TOPBP1: variants seen among roughly 807,000 people sequenced by gnomAD.
TOPBP1 encodes DNA topoisomerase 2-binding protein 1.
TOPBP1 carries 28 observed loss-of-function variants against 167.7 expected under a neutral mutation model. That is an observed-to-expected ratio of 0.17 (90% CI 0.12 to 0.23). TOPBP1 has a LOEUF of 0.23. Among genes scored for constraint, TOPBP1 ranks in the 10% least tolerant of loss-of-function variants. The probability of loss-of-function intolerance (pLI) is 1.00; values close to 1 mark genes in which losing one functional copy is unlikely to be tolerated. For synonymous variants in TOPBP1, 598 were observed against 611.4 expected (o/e 0.98, Z 0.32); for missense variants, 1,554 against 1,809.6 (o/e 0.86, Z 2.56).
At chr3:133,652,784 A>G (rs768656833) in intron 7 of TOPBP1, among the ~76,000 whole-genome samples, 155 bp from the exon 8 acceptor site, 6 of 152,234 alleles carry the variant, frequency 3.9e-5, no homozygotes, top group Non-Finnish European at 7.3e-5. Flanking sequence ...CAAAGTATAA[A>G]AAGGGAAAAT....
intron 26 of TOPBP1, 49 bp downstream of exon 26, chr3:133,608,824 T>C: frequency 6.3e-7 from 1 of 1,579,838 alleles, no homozygotes; most frequent in South Asian, 1.2e-5. Flanking sequence ...GCAATCTTGG[T>C]TAGATGATTA....
chr3:133,638,487 T>C (rs183003020), intron 13 of TOPBP1, among the ~76,000 whole-genome samples: 54 of 152,344 alleles, frequency 3.5e-4, no homozygotes, highest in African/African-American at 1.1e-3. Flanking sequence ...ATAAGCCTAT[T>C]TGCCAAAAAT....
Position 133,601,168 on chromosome 3 carries a change from A to T in TOPBP1, c.*82T>A. The T allele has an allele frequency of 1.6e-6, 2 of 1,276,790 alleles. No individual in the cohort carries two copies. The highest frequency in any genetic ancestry group is 2.2e-6 in the Non-Finnish European group (2 of 926,364). The allele number at this position is 1,276,790 out of a possible 1,614,324, so 79.1% of individuals were successfully genotyped here. On this transcript the variant is annotated 3_prime_UTR_variant, in exon 28 of 28. Transcript: ENST00000260810. ...TTCTTCAGGTACTCATCTTTAAATT[A>T]CTACCCAAATCTATCACAGTCACAT...
chr3:133,648,440 A>C (rs2107821851), intron 10 of TOPBP1, among the ~76,000 whole-genome samples: 1 of 152,354 alleles, frequency 6.6e-6, no homozygotes, highest in East Asian at 1.9e-4. Flanking sequence ...AAAATACTAG[A>C]CAAAATCACA....
chr3:133,634,521 AAAAAGAT>A (rs1005528137), intron 14 of TOPBP1, among the ~76,000 whole-genome samples: 4 of 152,196 alleles, frequency 2.6e-5, no homozygotes, highest in African/African-American at 7.2e-5. Context: ...GTCTTAAAAA[AAAAAGAT>A]AAAAGATAAA....
At chr3:133,644,659 T>C (rs950644859) in intron 10 of TOPBP1, among the ~76,000 whole-genome samples, 1 of 152,208 alleles carries the variant, frequency 6.6e-6, no homozygotes, top group African/African-American at 2.4e-5. Flanking sequence ...CAGGACTTAG[T>C]TCCAAAACTG....
intron 23 of TOPBP1, among the ~76,000 whole-genome samples, chr3:133,615,500 C>T (rs1478890012): frequency 6.6e-6 from 1 of 151,868 alleles, no homozygotes; most frequent in Non-Finnish European, 1.5e-5. Flanking sequence ...AAAAACCCCA[C>T]CAATATTTCT....
chr3:133,610,124 G>A (rs1934624991), intron 25 of TOPBP1, among the ~76,000 whole-genome samples: 1 of 152,140 alleles, frequency 6.6e-6, no homozygotes, highest in African/African-American at 2.4e-5. Context: ...TCAGATATGT[G>A]GTCTTCTGGC....
At position 133,639,964 on chromosome 3, in the gene TOPBP1, T is replaced by G. The variant is rs1278174939; in HGVS notation, c.2228A>C (p.Lys743Thr). 6.2e-7 allele frequency: 1 copy of G among 1,613,482 alleles called. No individual in the cohort carries two copies. Residue 743 changes from lysine to threonine, a missense_variant, in exon 13 of 28, where the codon AAA becomes ACA. Transcript: ENST00000260810. ...ESHFLIENSTKEERSLETEIT... is the reference protein window; with the variant it reads ...ESHFLIENSTTEERSLETEIT... ...AACAGAATAAAAGTATTAACCTTCT[T>G]TAGTTGAATTTTCAATCAGAAAATG...
At chr3:133,625,132 A>G (rs1028614973) in intron 16 of TOPBP1, among the ~76,000 whole-genome samples, 1 of 152,106 alleles carries the variant, frequency 6.6e-6, no homozygotes. Flanking sequence ...ACACCCAGCT[A>G]ATTTTTGTAT....
chr3:133,658,602 A>G (rs2107838325), intron 3 of TOPBP1, among the ~76,000 whole-genome samples: 1 of 152,224 alleles, frequency 6.6e-6, no homozygotes, highest in Non-Finnish European at 1.5e-5. Context: ...GCAGGAGTTC[A>G]AGACCAGCCC....
At chr3:133,653,289 T>G in intron 7 of TOPBP1, 56 bp downstream of exon 7, 1 of 1,446,896 alleles carries the variant, frequency 6.9e-7, no homozygotes, top group South Asian at 1.5e-5. Context: ...ATACTGATTA[T>G]TACATAGAAA....
Position 133,608,665 on chromosome 3 carries a change from T to C in TOPBP1, c.4295A>G (p.Lys1432Arg). The change falls in exon 27 of 28, where the codon AAA (lysine) becomes AGA (arginine). Residue 1432 changes from lysine (K) to arginine (R), a missense_variant. By Grantham distance (26) the Lys-to-Arg change is conservative. This residue lies in a region of TOPBP1 where 351 missense variants were observed against 432.9 expected (regional missense o/e 0.81). Transcript: ENST00000260810. ...VLPGHSVPLF[K>R]EATHLFSDLN... ...GTCAGAAAAAAGATGTGTGGCCTCTTTAAATAAAGGTACAGAATGACCAGG... is the reference window on the plus strand; with the variant it reads ...GTCAGAAAAAAGATGTGTGGCCTCTCTAAATAAAGGTACAGAATGACCAGG... 1 of 1,613,558 alleles carries C rather than the reference T, an allele frequency of 6.2e-7. No individual in the cohort carries two copies. The highest frequency in any genetic ancestry group is 8.5e-7 in the Non-Finnish European group (1 of 1,179,770).
At chr3:133,632,354 G>A (rs994226757) in intron 14 of TOPBP1, among the ~76,000 whole-genome samples, 20 of 152,086 alleles carry the variant, frequency 1.3e-4, no homozygotes, top group Admixed American at 2.6e-4. Flanking sequence ...GCAGTGAGCC[G>A]AGATCATGCC....
rs1422187550 is a variant in TOPBP1, at chr3:133,644,050, A to T, written c.1818T>A (p.Thr606=). The change falls in exon 11 of 28, where the codon ACT becomes ACA. Residue 606 remains threonine, a synonymous_variant. Transcript: ENST00000260810. ...VPLLGCEVEA[T]VGEVVTNTWL... The stretch of plus-strand genomic sequence containing the variant: ...ATGTATTTGTAACAACTTCTCCCAC[A>T]GTGGCTTCCACTTCACACCCCAGCA... 1 of 1,607,624 alleles carries T rather than the reference A, an allele frequency of 6.2e-7. No individual in the cohort carries two copies. The highest frequency in any genetic ancestry group is 2.2e-5 in the East Asian group (1 of 44,826).
intron 13 of TOPBP1, 84 bp from the exon 14 acceptor site, chr3:133,638,246 G>T: frequency 7.6e-7 from 1 of 1,308,746 alleles, no homozygotes; most frequent in Non-Finnish European, 1.1e-6. Flanking sequence ...ATTTTATACT[G>T]TTTTCTTTCC....
intron 10 of TOPBP1, among the ~76,000 whole-genome samples, chr3:133,644,871 G>C (rs781147169): frequency 6.6e-6 from 1 of 152,170 alleles, no homozygotes; most frequent in Non-Finnish European, 1.5e-5. Context: ...CAACAAGGCT[G>C]GAAGCTATCC....
At chr3:133,614,427 T>C (rs11714422) in intron 23 of TOPBP1, among the ~76,000 whole-genome samples, 21,289 of 152,222 alleles carry the variant, frequency 0.14, 1,833 homozygotes, top group Non-Finnish European at 0.2. Context: ...AATAGACTGA[T>C]TTATATACAT....
rs781249606 is a variant in TOPBP1, at chr3:133,653,472, C to A, written c.795G>T (p.Gln265His). ...CTTTCTCAATACTGTCAAAAAACCA[C>A]TGTGTGGTCACACAGTGTACATTCC... ...KRWNVHCVTT[Q>H]WFFDSIEKGF... Residue 265 changes from glutamine (Q) to histidine (H), a missense_variant, in exon 7 of 28, where the codon CAG (glutamine) becomes CAT (histidine). Physicochemically the swap from Gln to His is conservative, Grantham distance 24 (BLOSUM62 0). Transcript: ENST00000260810. 41 of 1,612,882 alleles carry A rather than the reference C, an allele frequency of 2.5e-5. No homozygotes were observed. In the East Asian group the frequency reaches 9.2e-4, roughly 36 times the overall value.
Sources: gnomAD v4.1 joint callset for allele counts (sites outside exome capture counted in the v4.1 genomes callset) on GRCh38, gnomAD v4.1.1 for gene constraint, gnomAD v4.1.1 regional missense constraint, MANE v1.5 for transcripts, NCBI Gene and HGNC (gene_info 2026-07-23, HGNC 2026-07-21) for gene names.